DCC: variants seen among roughly 807,000 people sequenced by gnomAD.
The protein encoded by DCC is netrin receptor DCC.
DCC carries 58 observed loss-of-function variants against 172.5 expected under a neutral mutation model. The ratio of observed to expected loss-of-function variants is 0.34; its 90% CI spans 0.27 to 0.42. The LOEUF (loss-of-function observed/expected upper bound fraction) is 0.42. DCC is among the 10% of genes least tolerant of loss of function. DCC has a pLI of 1.00. For synonymous variants in DCC, 709 were observed against 644.5 expected (o/e 1.10, Z -1.52); for missense variants, 1,740 against 1,791.0 (o/e 0.97, Z 0.51).
intron 8 of DCC, among the ~76,000 whole-genome samples, chr18:53,171,076 G>T (rs912501410): frequency 2.0e-5 from 3 of 151,990 alleles, no homozygotes; most frequent in African/African-American, 7.3e-5. Flanking sequence ...CTAGAGAGAG[G>T]GTTTCACCAG....
chr18:52,608,745 C>T lies in DCC; in HGVS notation c.92-143309C>T, dbSNP rs548330737. Among the ~76,000 whole-genome samples the T allele has an allele frequency of 7.9e-5, 12 of 152,264 alleles. 1 individual carries two copies. The highest frequency in any genetic ancestry group is 2.6e-4 in the Admixed American group (4 of 15,284). On this transcript the variant is annotated intron_variant, in intron 1 of 28. Coordinates refer to ENST00000442544, the MANE Select transcript of DCC (RefSeq NM_005215.4). ...AAAGCAGGCACTTTTATCCTTAAAC[C>T]TTGCACTATGAACTGGCCTAGGTAA... is the stretch of plus-strand genomic sequence containing the variant.
At chr18:53,179,253 C>T (rs2055157485) in intron 9 of DCC, 137 bp downstream of exon 9, 5 of 846,144 alleles carry the variant, frequency 5.9e-6, no homozygotes, top group Non-Finnish European at 9.5e-6. Context: ...ACTTATATAA[C>T]TCGAGGACTT....
In DCC at chr18:53,304,557, CT is replaced by C. The variant is rs1165437711; in HGVS notation, c.1912-1018del. Among the ~76,000 whole-genome samples the C allele has an allele frequency of 4.6e-5, 7 of 152,192 alleles. No individual in the cohort carries two copies. The East Asian group carries it at 1.4e-3, about 29-fold the overall frequency. On this transcript the variant is annotated intron_variant, in intron 12 of 28. Coordinates refer to ENST00000442544, the MANE Select transcript of DCC (RefSeq NM_005215.4). ...TCTCCTGTGTTTAATATCTCTGAAA[CT>C]TTGGCCTCTGAGTTGAATATCCCCA...
intron 1 of DCC, among the ~76,000 whole-genome samples, chr18:52,611,128 A>C (rs1364760857): frequency 6.6e-6 from 1 of 152,132 alleles, no homozygotes; most frequent in Non-Finnish European, 1.5e-5. Context: ...ATAAACCTTC[A>C]GTGACCCCCC....
intron 11 of DCC, among the ~76,000 whole-genome samples, chr18:53,214,588 A>C (rs2055815700): frequency 1.3e-5 from 2 of 152,188 alleles, no homozygotes; most frequent in Non-Finnish European, 2.9e-5. Context: ...AAAATGCCTG[A>C]GAACTTTTCT....
At chr18:53,037,136 T>C (rs2042105303) in intron 5 of DCC, among the ~76,000 whole-genome samples, 1 of 151,958 alleles carries the variant, frequency 6.6e-6, no homozygotes, top group Non-Finnish European at 1.5e-5. Flanking sequence ...GTCAACTCAG[T>C]CAATGATGCC....
rs117035834 is a variant in DCC at position 53,134,175 on chromosome 18, G to T, written c.1262-23181G>T. 8.1e-3 allele frequency among the ~76,000 whole-genome samples: 1,239 copies of T among 152,198 alleles called. 37 individuals are homozygous for T. Among genetic ancestry groups the T allele is most frequent in the Admixed American group, 0.059 (895 of 15,280 alleles). ...CAAATGATATGTTGCTGTACTGCAG[G>T]TTTATTAGAACACTAGCATATGTGT... On this transcript the variant is annotated intron_variant, in intron 7 of 28. Coordinates refer to ENST00000442544, the MANE Select transcript of DCC (RefSeq NM_005215.4).
At chr18:52,564,094 G>A (rs1192276200) in intron 1 of DCC, among the ~76,000 whole-genome samples, 4 of 152,186 alleles carry the variant, frequency 2.6e-5, no homozygotes, top group Middle Eastern at 3.4e-3. Flanking sequence ...CTTGTGACCT[G>A]CTTTAAATTA....
At chr18:52,404,621 G>C (rs1326341160) in intron 1 of DCC, among the ~76,000 whole-genome samples, 2 of 151,536 alleles carry the variant, frequency 1.3e-5, no homozygotes, top group African/African-American at 4.8e-5. Context: ...TTTCTACTTT[G>C]CAGCCCGAAG....
intron 14 of DCC, among the ~76,000 whole-genome samples, chr18:53,336,671 G>A (rs1019206289): frequency 2.0e-5 from 3 of 152,162 alleles, no homozygotes; most frequent in African/African-American, 7.2e-5. Flanking sequence ...GAACAACATA[G>A]CAAAACTCTG....
intron 2 of DCC, among the ~76,000 whole-genome samples, chr18:52,773,197 A>G (rs2037371396): frequency 6.6e-6 from 1 of 152,174 alleles, no homozygotes; most frequent in South Asian, 2.1e-4. Flanking sequence ...ACTATAGCCT[A>G]TGTGTTAAGA....
intron 1 of DCC, among the ~76,000 whole-genome samples, chr18:52,375,920 G>GTC (rs1268784414): frequency 6.6e-6 from 1 of 152,152 alleles, no homozygotes; most frequent in Non-Finnish European, 1.5e-5. Context: ...GAGACAAATG[G>GTC]TAAAGACTGG....
intron 1 of DCC, among the ~76,000 whole-genome samples, chr18:52,378,841 C>T (rs976531522): frequency 1.3e-5 from 2 of 152,136 alleles, no homozygotes; most frequent in Non-Finnish European, 2.9e-5. Flanking sequence ...AGCCACTGAG[C>T]CTGGCTTAAA....
At chr18:53,412,574 T>C (rs1910045158) in intron 20 of DCC, among the ~76,000 whole-genome samples, 1 of 152,168 alleles carries the variant, frequency 6.6e-6, no homozygotes, top group Non-Finnish European at 1.5e-5. Flanking sequence ...CAGAGCATAC[T>C]GTGCTCATCA....
At chr18:53,348,491 G>A (rs2057750501) in intron 15 of DCC, among the ~76,000 whole-genome samples, 1 of 152,156 alleles carries the variant, frequency 6.6e-6, no homozygotes, top group Non-Finnish European at 1.5e-5. Context: ...ACTACAAGCT[G>A]TCAGTGGATC....
At chr18:53,286,821 T>C (rs2056940915) in intron 12 of DCC, among the ~76,000 whole-genome samples, 1 of 152,216 alleles carries the variant, frequency 6.6e-6, no homozygotes, top group Non-Finnish European at 1.5e-5. Context: ...GACTCACAAA[T>C]GTAGGGGTGT....
At chr18:53,225,937 T>C (rs933000352) in intron 12 of DCC, among the ~76,000 whole-genome samples, 3 of 152,068 alleles carry the variant, frequency 2.0e-5, no homozygotes, top group African/African-American at 7.2e-5. Flanking sequence ...AGAAAACCCA[T>C]GGATCTAAGC....
At chr18:53,469,313 A>T (rs1171942566) in intron 25 of DCC, among the ~76,000 whole-genome samples, 1 of 152,180 alleles carries the variant, frequency 6.6e-6, no homozygotes, top group Non-Finnish European at 1.5e-5. Flanking sequence ...CTGGAGAAAA[A>T]CATATAGCCT....
chr18:53,488,886 A>T (rs1019543353), intron 26 of DCC, among the ~76,000 whole-genome samples: 2 of 152,028 alleles, frequency 1.3e-5, no homozygotes, highest in Non-Finnish European at 2.9e-5. Flanking sequence ...GGGCCAGGCG[A>T]GGTGGCTCAT....
Sources: allele counts gnomAD v4.1 joint callset (sites outside exome capture counted in the v4.1 genomes callset), GRCh38; gene constraint gnomAD v4.1.1; transcripts MANE v1.5; gene names NCBI Gene and HGNC (gene_info 2026-07-23, HGNC 2026-07-21).